ROBO2: variants seen among roughly 807,000 people sequenced by gnomAD.
The protein encoded by ROBO2 is roundabout guidance receptor 2.
In ROBO2, 53 loss-of-function variants were observed where a neutral mutation model predicts 160.8. That is an observed-to-expected ratio of 0.33 (90% CI 0.26 to 0.41). The LOEUF is 0.41. Among genes scored for constraint, ROBO2 ranks in the 10% least tolerant of loss-of-function variants. The pLI is 1.00. For synonymous variants in ROBO2, 664 were observed against 611.7 expected, an observed-to-expected ratio of 1.09 and a Z score of -1.26; for missense variants, 1,577 against 1,722.4, an observed-to-expected ratio of 0.92 and a Z score of 1.49.
chr3:77,343,161 C>G (rs1314137853), intron 2 of ROBO2, among the ~76,000 whole-genome samples: 1 of 152,008 alleles, frequency 6.6e-6, no homozygotes, highest in African/African-American at 2.4e-5. Context: ...TAATTATTGC[C>G]TAAAGATCCT....
At chr3:76,111,689 A>T (rs1419726932) in intron 2 of ROBO2, among the ~76,000 whole-genome samples, 5 of 151,608 alleles carry the variant, frequency 3.3e-5, no homozygotes, top group Non-Finnish European at 1.5e-5. Flanking sequence ...TCCTGAAGAG[A>T]CCCTCCATGA....
chr3:77,568,435 G>A lies in ROBO2; in HGVS notation c.1971+1G>A. ...CACCACGGTTCAGGTCACATGGACG[G>A]TAAGCTTTCAAAGGCAATGTTAATA... On this transcript the variant is annotated splice_donor_variant, in intron 13 of 25. Coordinates refer to ENST00000461745, the Ensembl canonical transcript of ROBO2. LOFTEE classifies it high-confidence loss of function. The A allele has an allele frequency of 6.2e-7, 1 of 1,612,664 alleles. No homozygotes were observed. Among genetic ancestry groups the A allele is most frequent in the Non-Finnish European group, 8.5e-7 (1 of 1,179,140 alleles).
chr3:76,547,181 A>G (rs1243222333), intron 2 of ROBO2, among the ~76,000 whole-genome samples: 1 of 152,032 alleles, frequency 6.6e-6, no homozygotes, highest in African/African-American at 2.4e-5. Context: ...AAAAATAAAG[A>G]TGTTTTTAAT....
intron 2 of ROBO2, among the ~76,000 whole-genome samples, chr3:77,229,778 G>T (rs1422421378): frequency 6.6e-6 from 1 of 152,048 alleles, no homozygotes; most frequent in Non-Finnish European, 1.5e-5. Flanking sequence ...TTCTCTCCCT[G>T]TGCTGCCAAT....
chr3:76,965,612 A>C (rs144276567), intron 2 of ROBO2, among the ~76,000 whole-genome samples: 13 of 150,606 alleles, frequency 8.6e-5, no homozygotes, highest in African/African-American at 2.9e-4. Flanking sequence ...TACATATGCA[A>C]TGTTAGGCAA....
rs555179376 is a variant in ROBO2, at chr3:76,349,419, G to A, written c.109+411817G>A. Among the ~76,000 whole-genome samples the A allele has an allele frequency of 7.9e-5, 12 of 152,088 alleles. No individual in the cohort carries two copies. The South Asian group carries it at 1.9e-3, about 24-fold the overall frequency. On this transcript the variant is annotated intron_variant, in intron 2 of 26. Coordinates refer to the ROBO2 transcript ENST00000487694. ...ATTTAGCTTATCACAGCAATCCTAAGACACAAGAAGAACACCATTACCCCC... is the reference window on the plus strand; with the variant it reads ...ATTTAGCTTATCACAGCAATCCTAAAACACAAGAAGAACACCATTACCCCC...
At chr3:76,117,019 A>T (rs2070500857) in intron 2 of ROBO2, among the ~76,000 whole-genome samples, 1 of 152,218 alleles carries the variant, frequency 6.6e-6, no homozygotes, top group Non-Finnish European at 1.5e-5. Context: ...AATCACTTTA[A>T]AATGTTGCTT....
intron 2 of ROBO2, among the ~76,000 whole-genome samples, chr3:77,270,442 T>G (rs2059412732): frequency 6.6e-6 from 1 of 152,176 alleles, no homozygotes; most frequent in Non-Finnish European, 1.5e-5. Context: ...AACATATTAA[T>G]TAAAATGCCT....
intron 6 of ROBO2, among the ~76,000 whole-genome samples, chr3:77,526,132 G>C (rs2091132743): frequency 6.6e-6 from 1 of 151,356 alleles, no homozygotes; most frequent in Non-Finnish European, 1.5e-5. Context: ...GGCCACATTA[G>C]GGTTCCACTA....
intron 6 of ROBO2, 107 bp downstream of exon 6, chr3:77,523,009 C>T: frequency 7.6e-7 from 1 of 1,318,874 alleles, no homozygotes; most frequent in Non-Finnish European, 1.1e-6. Flanking sequence ...TTTTGTTGTA[C>T]TAAAATGCCT....
chr3:77,391,933 C>T (rs1477213482), intron 2 of ROBO2, among the ~76,000 whole-genome samples: 2 of 152,014 alleles, frequency 1.3e-5, no homozygotes, highest in Non-Finnish European at 2.9e-5. Flanking sequence ...ATCTATTTTC[C>T]ACATGCTTTC....
chr3:77,154,978 C>A (rs1254852867), intron 2 of ROBO2, among the ~76,000 whole-genome samples: 2 of 151,710 alleles, frequency 1.3e-5, no homozygotes, highest in Non-Finnish European at 2.9e-5. Context: ...ACACAGTGTA[C>A]TCAGTTAACA....
intron 16 of ROBO2, among the ~76,000 whole-genome samples, chr3:77,582,976 G>C (rs775745): frequency 0.6 from 90,860 of 150,906 alleles, 27,452 homozygotes; most frequent in Middle Eastern, 0.72. Context: ...CCCATCTCTA[G>C]TAAAATACAA....
At chr3:76,278,877 C>T (rs145403299) in intron 2 of ROBO2, among the ~76,000 whole-genome samples, 1,597 of 151,858 alleles carry the variant, frequency 0.011, 20 homozygotes, top group African/African-American at 0.034. Context: ...GAGCTGCTAC[C>T]CTTATAACCT....
intron 2 of ROBO2, among the ~76,000 whole-genome samples, chr3:76,173,037 A>C (rs1037532140): frequency 3.9e-5 from 6 of 151,958 alleles, no homozygotes; most frequent in African/African-American, 1.5e-4. Flanking sequence ...ACTATGTAAA[A>C]TTCATCAGAG....
At chr3:77,460,209 G>A (rs2082105030) in intron 2 of ROBO2, among the ~76,000 whole-genome samples, 1 of 152,092 alleles carries the variant, frequency 6.6e-6, no homozygotes, top group South Asian at 2.1e-4. Flanking sequence ...AGGATGGTGT[G>A]AGTGTGTTCA....
intron 2 of ROBO2, among the ~76,000 whole-genome samples, chr3:76,903,423 G>A (rs1381829297): frequency 6.6e-6 from 1 of 151,968 alleles, no homozygotes; most frequent in East Asian, 1.9e-4. Context: ...AATTGGACTT[G>A]ACCATTGTCT....
At chr3:76,927,288 A>C (rs13091953) in intron 2 of ROBO2, among the ~76,000 whole-genome samples, 34,981 of 152,064 alleles carry the variant, frequency 0.23, 4,139 homozygotes, top group South Asian at 0.32. Flanking sequence ...CACCAGAAAA[A>C]AAGAAAGAGA....
chr3:76,266,432 G>A (rs1209408611), intron 2 of ROBO2, among the ~76,000 whole-genome samples: 1 of 151,910 alleles, frequency 6.6e-6, no homozygotes, highest in Admixed American at 6.6e-5. Context: ...CATCACACAG[G>A]GCATAGTAAA....
Sources: allele counts gnomAD v4.1 joint callset (sites outside exome capture counted in the v4.1 genomes callset), GRCh38; gene constraint gnomAD v4.1.1; transcripts MANE v1.5; gene names NCBI Gene and HGNC (gene_info 2026-07-23, HGNC 2026-07-21).